The following NBAS variants were observed in gnomAD, a reference collection of about 807,000 sequenced individuals.
The protein encoded by NBAS is NBAS subunit of NRZ tethering complex.
NBAS carries 219 observed loss-of-function variants against 302.5 expected under a neutral mutation model. The ratio of observed to expected loss-of-function variants is 0.72; its 90% CI spans 0.65 to 0.81. The LOEUF (loss-of-function observed/expected upper bound fraction) is 0.81. Ranked by LOEUF, NBAS falls within the 30% of genes least tolerant of loss-of-function variation. NBAS has a pLI of 0.00. For synonymous variants in NBAS, 1,118 were observed against 1,021.6 expected, an observed-to-expected ratio of 1.09 and a Z score of -1.80; for missense variants, 2,932 against 2,841.6, an observed-to-expected ratio of 1.03 and a Z score of -0.72.
At chr2:15,204,555 G>A (rs559740972) in intron 48 of NBAS, among the ~76,000 whole-genome samples, 1 of 152,254 alleles carries the variant, frequency 6.6e-6, no homozygotes, top group Non-Finnish European at 1.5e-5. Flanking sequence ...AAAGACACAT[G>A]CACACGTATG....
the NBAS span, among the ~76,000 whole-genome samples, chr2:15,034,362 C>T: frequency 4.0e-5 from 6 of 151,698 alleles, no homozygotes; most frequent in East Asian, 1.9e-4. Context: ...GAAAAAAGGG[C>T]GAGCAGAAAG....
the NBAS span, among the ~76,000 whole-genome samples, chr2:15,071,713 G>C: frequency 6.6e-6 from 1 of 151,796 alleles, no homozygotes; most frequent in Admixed American, 6.6e-5. Context: ...GCAAAGGATG[G>C]GAGAAAACCT....
chr2:15,464,896 T>C lies in NBAS; in HGVS notation c.2097+2433A>G, dbSNP rs76946683. Among the ~76,000 whole-genome samples the C allele has an allele frequency of 7.6e-3, 1,156 of 152,330 alleles. 19 individuals are homozygous for C. The highest frequency in any genetic ancestry group is 0.06 in the East Asian group (309 of 5,178). ...ACTTACTCAACAGCATGACACTTGC[T>C]TTCATGCCACTGGGCCTTTACATGG... On this transcript the variant is annotated intron_variant, in intron 19 of 51. Coordinates refer to ENST00000281513, the MANE Select transcript of NBAS (RefSeq NM_015909.4).
chr2:15,326,601 T>G (rs1473595135), intron 38 of NBAS, among the ~76,000 whole-genome samples: 3 of 152,148 alleles, frequency 2.0e-5, no homozygotes, highest in African/African-American at 7.2e-5. Flanking sequence ...ATGACTATAC[T>G]TTTCATATAT....
chr2:15,327,066 T>C lies in NBAS; in HGVS notation c.4582+684A>G, dbSNP rs1389325674. Among the ~76,000 whole-genome samples, 15 of 82,540 alleles carry C rather than the reference T, an allele frequency of 1.8e-4. No individual in the cohort carries two copies. In the Admixed American group the frequency reaches 1.9e-3, roughly 11 times the overall value. 54.1% of individuals were successfully genotyped at this position (82,540 alleles called of 152,430 possible). A position where few individuals can be genotyped will look rare whatever the true frequency, so the allele number is the denominator to read the frequency against. ...CAGTAATACAATAAAAAGTAATAAG[T>C]AATAAAATAATAAGTGCAAGCTGTG... On this transcript the variant is annotated intron_variant, in intron 38 of 51. Coordinates refer to ENST00000281513, the MANE Select transcript of NBAS (RefSeq NM_015909.4).
the NBAS span, among the ~76,000 whole-genome samples, chr2:15,104,627 C>T: frequency 6.6e-6 from 1 of 152,092 alleles, no homozygotes; most frequent in East Asian, 1.9e-4. Flanking sequence ...AATCGCCACA[C>T]TGTCTTCCAC....
intron 23 of NBAS, among the ~76,000 whole-genome samples, chr2:15,418,627 C>G (rs1404233232): frequency 6.6e-6 from 1 of 152,114 alleles, no homozygotes; most frequent in Non-Finnish European, 1.5e-5. Context: ...ACTTAGCCAG[C>G]CTGAGAGGGT....
chr2:14,807,959 C>T, the NBAS span, among the ~76,000 whole-genome samples: 1 of 152,184 alleles, frequency 6.6e-6, no homozygotes, highest in African/African-American at 2.4e-5. Flanking sequence ...ATACAGACTA[C>T]ATTTTTCAAA....
At chr2:15,515,467 G>C (rs1343161839) in intron 9 of NBAS, among the ~76,000 whole-genome samples, 1 of 152,154 alleles carries the variant, frequency 6.6e-6, no homozygotes, top group Non-Finnish European at 1.5e-5. Flanking sequence ...GCTGCAGTAA[G>C]CCAAGATCGA....
chr2:15,552,362 C>T (rs1044869920), intron 5 of NBAS, among the ~76,000 whole-genome samples: 1 of 152,136 alleles, frequency 6.6e-6, no homozygotes, highest in Admixed American at 6.5e-5. Flanking sequence ...CTATGCAGGT[C>T]CATGTCTATG....
intron 11 of NBAS, among the ~76,000 whole-genome samples, chr2:15,489,300 A>T (rs1680759559): frequency 6.6e-6 from 1 of 152,168 alleles, no homozygotes; most frequent in South Asian, 2.1e-4. Flanking sequence ...ATGCATTATA[A>T]ATATATTTCT....
the NBAS span, among the ~76,000 whole-genome samples, chr2:15,034,887 T>C: frequency 6.6e-6 from 1 of 152,152 alleles, no homozygotes; most frequent in South Asian, 2.1e-4. Flanking sequence ...TATGTGTCCA[T>C]AGACACATAC....
At chr2:15,259,510 T>C (rs997874482) in intron 44 of NBAS, among the ~76,000 whole-genome samples, 2 of 152,232 alleles carry the variant, frequency 1.3e-5, no homozygotes, top group Non-Finnish European at 2.9e-5. Context: ...CAGCAGTTAC[T>C]TTAGAAAGCT....
At chr2:14,977,150 A>T in the NBAS span, among the ~76,000 whole-genome samples, 1 of 152,232 alleles carries the variant, frequency 6.6e-6, no homozygotes, top group East Asian at 1.9e-4. Context: ...CATTAGCCAT[A>T]GCCAGTATAA....
At chr2:15,302,938 A>G (rs1405805719) in intron 40 of NBAS, among the ~76,000 whole-genome samples, 1 of 152,150 alleles carries the variant, frequency 6.6e-6, no homozygotes, top group Non-Finnish European at 1.5e-5. Context: ...TCAGACTCCA[A>G]GTTCTTCAGC....
intron 7 of NBAS, among the ~76,000 whole-genome samples, chr2:15,537,558 A>G (rs1265648975): frequency 2.6e-5 from 4 of 152,176 alleles, no homozygotes; most frequent in Non-Finnish European, 5.9e-5. Flanking sequence ...TGGAAGGACC[A>G]CTTGAAGTCA....
At chr2:14,998,435 C>T in the NBAS span, among the ~76,000 whole-genome samples, 2 of 152,310 alleles carry the variant, frequency 1.3e-5, no homozygotes, top group Admixed American at 6.5e-5. Flanking sequence ...CAACAAGACC[C>T]TGTCTCCTAG....
intron 9 of NBAS, among the ~76,000 whole-genome samples, chr2:15,528,111 A>G (rs1376865628): frequency 6.6e-6 from 1 of 151,284 alleles, no homozygotes; most frequent in Non-Finnish European, 1.5e-5. Flanking sequence ...CACCACTTAC[A>G]ATTTCCCAAA....
intron 48 of NBAS, among the ~76,000 whole-genome samples, chr2:15,216,375 T>C (rs999450344): frequency 6.6e-6 from 1 of 152,080 alleles, no homozygotes; most frequent in African/African-American, 2.4e-5. Context: ...AGAGATTTCC[T>C]AGGGGGCCGG....
Sources: gnomAD v4.1 joint callset for allele counts (sites outside exome capture counted in the v4.1 genomes callset) on GRCh38, gnomAD v4.1.1 for gene constraint, MANE v1.5 for transcripts, NCBI Gene and HGNC (gene_info 2026-07-23, HGNC 2026-07-21) for gene names.